Variants in ADGRL2 observed in about 807,000 individuals in gnomAD.
ADGRL2 encodes adhesion G protein-coupled receptor L2.
ADGRL2 carries 44 observed loss-of-function variants against 157.4 expected under a neutral mutation model. The ratio of observed to expected loss-of-function variants is 0.28; its 90% CI spans 0.22 to 0.36. The LOEUF (loss-of-function observed/expected upper bound fraction) is 0.36, where lower values mean the gene tolerates loss of function less well. Ranked by LOEUF, ADGRL2 falls within the 10% of genes least tolerant of loss-of-function variation. The probability of loss-of-function intolerance (pLI) is 1.00; values close to 1 mark genes in which losing one functional copy is unlikely to be tolerated. For missense variants in ADGRL2, 1,510 were observed against 1,768.9 expected (o/e 0.85, Z 2.63); for synonymous variants, 585 against 624.7 (o/e 0.94, Z 0.95).
intron 2 of ADGRL2, among the ~76,000 whole-genome samples, chr1:81,459,151 T>A (rs998716048): frequency 6.6e-6 from 1 of 152,088 alleles, no homozygotes; most frequent in Non-Finnish European, 1.5e-5. Context: ...AAAGCACCAC[T>A]CAATTGGTTT....
intron 3 of ADGRL2, among the ~76,000 whole-genome samples, chr1:81,636,883 G>T (rs1039719954): frequency 6.6e-6 from 1 of 152,150 alleles, no homozygotes; most frequent in Admixed American, 6.5e-5. Flanking sequence ...TCGCCCAGAT[G>T]GGAGTGCAGT....
intron 1 of ADGRL2, among the ~76,000 whole-genome samples, chr1:81,405,318 A>G (rs1198286684): frequency 6.6e-6 from 1 of 152,218 alleles, no homozygotes; most frequent in African/African-American, 2.4e-5. Context: ...TTAATTTAGA[A>G]TTGGATGTAC....
At chr1:81,856,469 C>T (rs1341994075) in intron 2 of ADGRL2, among the ~76,000 whole-genome samples, 1 of 152,136 alleles carries the variant, frequency 6.6e-6, no homozygotes, top group Non-Finnish European at 1.5e-5. Context: ...AGAACCATGT[C>T]TTTTTCGATC....
At chr1:81,373,750 T>C in intron 1 of ADGRL2, among the ~76,000 whole-genome samples, 1 of 152,232 alleles carries the variant, frequency 6.6e-6, no homozygotes, top group East Asian at 1.9e-4. Flanking sequence ...ACTTCATTAC[T>C]TAACCTTAAA....
intron 1 of ADGRL2, among the ~76,000 whole-genome samples, chr1:81,818,949 T>G (rs528551891): frequency 6.6e-6 from 1 of 152,208 alleles, no homozygotes; most frequent in South Asian, 2.1e-4. Flanking sequence ...AAAAATATAG[T>G]GCCTTAGGGG....
At chr1:81,400,187 G>A (rs1415485367) in intron 1 of ADGRL2, among the ~76,000 whole-genome samples, 1 of 152,048 alleles carries the variant, frequency 6.6e-6, no homozygotes, top group African/African-American at 2.4e-5. Context: ...CCAGTGGAAA[G>A]TCTTATCTTA....
At chr1:81,598,798 G>A (rs1010742694) in intron 3 of ADGRL2, among the ~76,000 whole-genome samples, 2 of 152,226 alleles carry the variant, frequency 1.3e-5, no homozygotes, top group Non-Finnish European at 2.9e-5. Context: ...GCATACAGAT[G>A]TGAAGGTATT....
chr1:81,805,420 T>G, intron 1 of ADGRL2, among the ~76,000 whole-genome samples: 1 of 152,204 alleles, frequency 6.6e-6, no homozygotes, highest in South Asian at 2.1e-4. Flanking sequence ...TTTATAGTTT[T>G]ACCTTAGATG....
At chr1:81,749,443 C>T (rs2085417865) in intron 1 of ADGRL2, among the ~76,000 whole-genome samples, 1 of 152,040 alleles carries the variant, frequency 6.6e-6, no homozygotes, top group African/African-American at 2.4e-5. Flanking sequence ...CTTCATTTTC[C>T]TTCCCAGTAC....
At chr1:81,980,856 C>T in intron 18 of ADGRL2, 1 of 667,666 alleles carries the variant, frequency 1.5e-6, no homozygotes, top group Non-Finnish European at 2.8e-6. Flanking sequence ...TAGAACCCTA[C>T]ATTAACAAAT....
intron 3 of ADGRL2, among the ~76,000 whole-genome samples, chr1:81,673,510 A>ATTTT (rs35732882): frequency 1.0e-4 from 10 of 100,152 alleles, no homozygotes; most frequent in African/African-American, 1.2e-4. Flanking sequence ...TGTGCCTTCT[A>ATTTT]TTTTTTTTTT....
rs1035391068 is a variant in ADGRL2 at position 81,866,862 on chromosome 1, GT to G, written c.73+29812del. Among the ~76,000 whole-genome samples the G allele has an allele frequency of 9.9e-5, 15 of 152,050 alleles. No individual in the cohort carries two copies. The East Asian group carries it at 2.9e-3, about 29-fold the overall frequency. ...ATCTCTGATATTTGGGATGTATGGG[GT>G]TTTTTTGGGGTGTGTGCATAAAATA... is the stretch of plus-strand genomic sequence containing the variant. On this transcript the variant is annotated intron_variant, in intron 2 of 23. Transcript: ENST00000686636.
intron 4 of ADGRL2, among the ~76,000 whole-genome samples, chr1:81,941,145 A>G (rs1372889386): frequency 1.4e-5 from 2 of 147,906 alleles, no homozygotes; most frequent in Admixed American, 6.8e-5. Context: ...CTCCTTGCCT[A>G]CTGTGCTTGC....
At chr1:81,360,397 A>G (rs2075957335) in intron 1 of ADGRL2, among the ~76,000 whole-genome samples, 1 of 151,956 alleles carries the variant, frequency 6.6e-6, no homozygotes, top group African/African-American at 2.4e-5. Context: ...AACCAAGAGG[A>G]CCAAAGGCTT....
At chr1:81,685,386 T>G (rs1400252809) in intron 3 of ADGRL2, among the ~76,000 whole-genome samples, 2 of 152,126 alleles carry the variant, frequency 1.3e-5, no homozygotes, top group Non-Finnish European at 2.9e-5. Context: ...TATTTTTTTT[T>G]TTTACAGCTA....
chr1:81,504,293 T>A (rs1570309922), intron 2 of ADGRL2, among the ~76,000 whole-genome samples: 1 of 151,838 alleles, frequency 6.6e-6, no homozygotes, highest in South Asian at 2.1e-4. Flanking sequence ...CCCTCCCCAG[T>A]CCTCCCCAGC....
chr1:81,505,715 A>G (rs535388550), intron 2 of ADGRL2, among the ~76,000 whole-genome samples: 40 of 148,048 alleles, frequency 2.7e-4, no homozygotes, highest in Non-Finnish European at 4.3e-4. Flanking sequence ...CTAGGCAGTG[A>G]ATAAATACCT....
chr1:81,490,452 T>A (rs1428600600), intron 2 of ADGRL2, among the ~76,000 whole-genome samples: 1 of 152,068 alleles, frequency 6.6e-6, no homozygotes, highest in East Asian at 1.9e-4. Context: ...TTCCTAAAAA[T>A]TATTAGAAAA....
At chr1:81,521,010 A>T (rs79723702) in intron 2 of ADGRL2, among the ~76,000 whole-genome samples, 255 of 152,334 alleles carry the variant, frequency 1.7e-3, no homozygotes, top group African/African-American at 5.6e-3. Flanking sequence ...TTTTAAAATA[A>T]GCCAGAAAGT....
Sources: allele counts gnomAD v4.1 joint callset (sites outside exome capture counted in the v4.1 genomes callset), GRCh38; gene constraint gnomAD v4.1.1; transcripts MANE v1.5; gene names NCBI Gene and HGNC (gene_info 2026-07-23, HGNC 2026-07-21).